The following PRR27 variants were observed in gnomAD, a reference collection of about 807,000 sequenced individuals.
PRR27 encodes proline-rich protein 27.
PRR27 carries 12 observed loss-of-function variants against 16.8 expected under a neutral mutation model. The ratio of observed to expected loss-of-function variants is 0.71; its 90% confidence interval spans 0.46 to 1.16. PRR27 has a LOEUF of 1.16. PRR27 is among the 50% of genes most tolerant of loss of function. PRR27 has a pLI of 0.00. For synonymous variants in PRR27, 100 were observed against 98.4 expected (o/e 1.02, Z -0.10); for missense variants, 277 against 273.3 (o/e 1.01, Z -0.10).
intron 4 of PRR27, 68 bp downstream of exon 4, chr4:70,161,698 T>C (rs908307758): frequency 4.4e-6 from 3 of 681,250 alleles, no homozygotes; most frequent in Admixed American, 5.5e-5. Context: ...AATCTGAAGC[T>C]ACCTTGGAAT....
chr4:70,161,179 T>TATATATATATAC (rs527588905), intron 3 of PRR27, among the ~76,000 whole-genome samples: 1,629 of 107,578 alleles, frequency 0.015, 30 homozygotes, highest in South Asian at 0.046. Context: ...TATATATATA[T>TATATATATATAC]ACACACATAC....
rs1016875572 is a variant in PRR27 at position 70,166,318 on chromosome 4, A to T, written c.*3657A>T. On this transcript the variant is annotated 3_prime_UTR_variant, in exon 5 of 5. Transcript: ENST00000344526. ...CAGACCTTTGCAAGTAGCCTGAATA[A>T]AACTTTTCATTATTTATATTATCAC... 6.6e-6 allele frequency: 1 copy of T among 152,090 alleles called. No homozygotes were observed. Among genetic ancestry groups the T allele is most frequent in the African/African-American group, 2.4e-5 (1 of 41,452 alleles). 9.4% of individuals were successfully genotyped at this position (152,090 alleles called of 1,614,324 possible).
Position 70,163,146 on chromosome 4 carries a change from A to G in PRR27, c.*485A>G, listed in dbSNP as rs1056767902. On this transcript the variant is annotated 3_prime_UTR_variant, in exon 5 of 5. Coordinates refer to ENST00000344526, the MANE Select transcript of PRR27 (RefSeq NM_214711.4). ...AATGGACAGTTCAAATGTGACATCT[A>G]CAGTTTTTCATTTCTCTTTTATGCC... 6.6e-6 allele frequency: 1 copy of G among 152,160 alleles called. No individual in the cohort carries two copies. Among genetic ancestry groups the G allele is most frequent in the Admixed American group, 6.5e-5 (1 of 15,274 alleles). 9.4% of individuals were successfully genotyped at this position (152,160 alleles called of 1,614,324 possible). A position where few individuals can be genotyped will look rare whatever the true frequency, so the allele number is the denominator to read the frequency against.
intron 1 of PRR27, 96 bp from the exon 2 acceptor site, chr4:70,155,958 T>G: frequency 1.4e-6 from 1 of 733,028 alleles, no homozygotes; most frequent in Admixed American, 3.0e-5. Flanking sequence ...ACCATAAGTA[T>G]TATTAAGCTT....
Position 70,166,558 on chromosome 4 carries a change from C to T in PRR27, c.*3897C>T, listed in dbSNP as rs531614345. 11 of 151,990 alleles carry T rather than the reference C, an allele frequency of 7.2e-5. No individual in the cohort carries two copies. Among genetic ancestry groups the T allele is most frequent in the Admixed American group, 2.0e-4 (3 of 15,234 alleles). The allele number at this position is 151,990 out of a possible 1,614,324, so 9.4% of individuals were successfully genotyped here. On this transcript the variant is annotated 3_prime_UTR_variant, in exon 5 of 5. Transcript: ENST00000344526. ...ACATTTTCTCTAACCATTTTGAATA[C>T]GAATAACCATGGATTCTAATAGCAA...
rs562171871 is a variant in PRR27 at position 70,166,151 on chromosome 4, T to A, written c.*3490T>A. 6.6e-6 allele frequency: 1 copy of A among 152,268 alleles called. No individual in the cohort carries two copies. The highest frequency in any genetic ancestry group is 3.4e-3 in the Middle Eastern group (1 of 294). The allele number at this position is 152,268 out of a possible 1,614,324, so 9.4% of individuals were successfully genotyped here. ...TTCTGAGACTTTTCACATTTTTGAA[T>A]GTATTCATAGTTTCACTTTAATTGA... On this transcript the variant is annotated 3_prime_UTR_variant, in exon 5 of 5. Transcript: ENST00000344526.
At chr4:70,162,527 G>T (rs905621628) in intron 4 of PRR27, among the ~76,000 whole-genome samples, 168 bp from the exon 5 acceptor site, 1 of 152,106 alleles carries the variant, frequency 6.6e-6, no homozygotes, top group Non-Finnish European at 1.5e-5. Context: ...ATATTCTGTA[G>T]CATTTGTATT....
At position 70,165,473 on chromosome 4, in the gene PRR27, G is replaced by A. The variant is rs930225252; in HGVS notation, c.*2812G>A. 1 of 152,056 alleles carries A rather than the reference G, an allele frequency of 6.6e-6. No individual in the cohort carries two copies. The highest frequency in any genetic ancestry group is 1.5e-5 in the Non-Finnish European group (1 of 67,912). 9.4% of individuals were successfully genotyped at this position (152,056 alleles called of 1,614,324 possible). A position where few individuals can be genotyped will look rare whatever the true frequency, so the allele number is the denominator to read the frequency against. ...TATGAATCCACCTTCTTCCTTATCT[G>A]TAGAGTTAAAAACTACTTAGTGGAT... On this transcript the variant is annotated 3_prime_UTR_variant, in exon 5 of 5. Coordinates refer to ENST00000344526, the MANE Select transcript of PRR27 (RefSeq NM_214711.4).
At chr4:70,154,676 G>A (rs1728436482) in intron 1 of PRR27, 2 of 1,136,978 alleles carry the variant, frequency 1.8e-6, no homozygotes, top group Non-Finnish European at 2.5e-6. Flanking sequence ...GAGGCTGGAG[G>A]AGGAAAAATT....
At chr4:70,161,495 A>C in intron 3 of PRR27, 91 bp from the exon 4 acceptor site, 1 of 752,814 alleles carries the variant, frequency 1.3e-6, no homozygotes, top group Non-Finnish European at 2.2e-6. Flanking sequence ...TTCTCAGAGA[A>C]GAAAGGTTAT....
At chr4:70,161,201 C>T (rs1829653) in intron 3 of PRR27, among the ~76,000 whole-genome samples, 6 of 63,070 alleles carry the variant, frequency 9.5e-5, no homozygotes, top group Admixed American at 4.7e-4. Flanking sequence ...TATATATACA[C>T]GTATACATAT....
At chr4:70,160,437 C>T (rs375059480) in intron 3 of PRR27, among the ~76,000 whole-genome samples, 2 of 77,982 alleles carry the variant, frequency 2.6e-5, no homozygotes, top group African/African-American at 8.8e-5. Flanking sequence ...CTCTCTCTCT[C>T]TCTCTCTGTG....
intron 2 of PRR27, among the ~76,000 whole-genome samples, chr4:70,157,296 T>C (rs1283582544): frequency 1.3e-5 from 2 of 152,158 alleles, no homozygotes; most frequent in East Asian, 3.9e-4. Flanking sequence ...TAGGATCCCC[T>C]AGCACAGAGA....
At chr4:70,154,815 A>T (rs1728440010) in intron 1 of PRR27, 2 of 1,266,600 alleles carry the variant, frequency 1.6e-6, no homozygotes, top group African/African-American at 3.1e-5. Context: ...GACATTAGGG[A>T]TACTTGATGG....
intron 4 of PRR27, among the ~76,000 whole-genome samples, 188 bp from the exon 5 acceptor site, chr4:70,162,507 A>G (rs1728671143): frequency 8.6e-6 from 1 of 116,448 alleles, no homozygotes; most frequent in Admixed American, 1.0e-4. Flanking sequence ...GATACACATA[A>G]TAGTTTCATA....
intron 4 of PRR27, 70 bp from the exon 5 acceptor site, chr4:70,162,625 T>C (rs1308240043): frequency 6.6e-6 from 1 of 152,110 alleles, no homozygotes; most frequent in Non-Finnish European, 1.5e-5. Flanking sequence ...TCAAGAAAAA[T>C]AATTTTGCTT....
At chr4:70,158,301 ACT>A (rs755701864) in intron 2 of PRR27, 25 bp from the exon 3 acceptor site, 1 of 1,505,128 alleles carries the variant, frequency 6.6e-7, no homozygotes, top group Non-Finnish European at 9.2e-7. Flanking sequence ...AATACAATCA[ACT>A]TCGACTTCTT....
At chr4:70,158,298 T>C (rs74693432) in intron 2 of PRR27, 30 bp from the exon 3 acceptor site, 1 of 1,056,478 alleles carries the variant, frequency 9.5e-7, no homozygotes, top group South Asian at 1.4e-5. Flanking sequence ...ACAAATACAA[T>C]CAACTTCGAC....
At position 70,154,647 on chromosome 4, in the gene PRR27, G is replaced by A. The variant is rs1728435852; in HGVS notation, c.51+221G>A. 1.8e-5 allele frequency: 16 copies of A among 887,026 alleles called. 1 individual carries two copies. The South Asian group carries it at 2.2e-4, about 12-fold the overall frequency. The allele number at this position is 887,026 out of a possible 1,614,324, so 54.9% of individuals were successfully genotyped here. A position where few individuals can be genotyped will look rare whatever the true frequency, so the allele number is the denominator to read the frequency against. ...AAATAGATAAACAGCAAGGAAAGGA[G>A]GTAAGTTCATAAATGTAGGAGGCTG... On this transcript the variant is annotated intron_variant, in intron 1 of 4. Coordinates refer to ENST00000344526, the MANE Select transcript of PRR27 (RefSeq NM_214711.4).
Sources: allele counts gnomAD v4.1 joint callset (sites outside exome capture counted in the v4.1 genomes callset), GRCh38; gene constraint gnomAD v4.1.1; transcripts MANE v1.5; gene names NCBI Gene and HGNC (gene_info 2026-07-23, HGNC 2026-07-21).